GNAL: variants seen among roughly 807,000 people sequenced by gnomAD.
GNAL encodes the protein guanine nucleotide-binding protein G(olf) subunit alpha.
A neutral mutation model predicts 55.1 loss-of-function variants in GNAL; 18 were observed. The observed-to-expected ratio is 0.33, with a 90% confidence interval of 0.23 to 0.48. The LOEUF is 0.48. Among genes scored for constraint, GNAL ranks in the 20% least tolerant of loss-of-function variants. GNAL has a pLI of 0.99. For missense variants in GNAL, 412 were observed against 614.1 expected (o/e 0.67, Z 3.48); for synonymous variants, 253 against 237.0 (o/e 1.07, Z -0.62).
chr18:11,879,129 T>C (rs762918784), intron 11 of GNAL, among the ~76,000 whole-genome samples: 3 of 150,006 alleles, frequency 2.0e-5, no homozygotes, highest in Non-Finnish European at 4.4e-5. Context: ...ATTAAAAATA[T>C]ATATATATAA....
intron 4 of GNAL, among the ~76,000 whole-genome samples, chr18:11,822,622 T>C (rs971143601): frequency 2.0e-5 from 3 of 152,020 alleles, no homozygotes; most frequent in Non-Finnish European, 2.9e-5. Context: ...AAATTAAAGT[T>C]AAAAATTAAA....
chr18:11,710,499 T>C (rs1021591185), intron 1 of GNAL, among the ~76,000 whole-genome samples: 1 of 152,234 alleles, frequency 6.6e-6, no homozygotes, highest in Non-Finnish European at 1.5e-5. Flanking sequence ...ATGAACTTTA[T>C]ACTTTCATAT....
chr18:11,712,338 G>A (rs73944241), intron 1 of GNAL, among the ~76,000 whole-genome samples: 3,024 of 152,284 alleles, frequency 0.02, 115 homozygotes, highest in African/African-American at 0.07. Flanking sequence ...GGGCAGGCCC[G>A]ACGTGCATAA....
chr18:11,875,949 G>A (rs1407282350), intron 10 of GNAL, among the ~76,000 whole-genome samples: 1 of 151,254 alleles, frequency 6.6e-6, no homozygotes, highest in African/African-American at 2.4e-5. Flanking sequence ...ACATGGTGGA[G>A]AGGGTGAGGG....
At chr18:11,749,124 TCA>T (rs1491583011) in intron 1 of GNAL, among the ~76,000 whole-genome samples, 1 of 58,652 alleles carries the variant, frequency 1.7e-5, no homozygotes, top group African/African-American at 7.9e-5. Flanking sequence ...AGACTCCATC[TCA>T]AAAAAAAAAA....
In GNAL at chr18:11,703,582, C is replaced by T. The variant is rs568840156; in HGVS notation, c.376+13643C>T. Among the ~76,000 whole-genome samples the T allele has an allele frequency of 2.6e-5, 4 of 152,144 alleles. No homozygotes were observed. The South Asian group carries it at 6.2e-4, about 24-fold the overall frequency. On this transcript the variant is annotated intron_variant, in intron 1 of 11. Transcript: ENST00000334049. ...AATGTAACAGCCTTCTGAACATCAG[C>T]TATTTGATAAGCGCTGCGTGGAACT...
At chr18:11,768,978 T>A (rs183894395) in intron 4 of GNAL, among the ~76,000 whole-genome samples, 7 of 110,318 alleles carry the variant, frequency 6.3e-5, no homozygotes, top group African/African-American at 3.4e-4. Flanking sequence ...ATTATATATA[T>A]TATATATTCT....
chr18:11,864,603 T>C lies in GNAL; in HGVS notation c.848T>C (p.Phe283Ser). ...CGATTCCAAGTGGACAAAGTAAACTTCCAGTGAGTATGTTGTTAAGAGCTG... is the reference window on the plus strand; with the variant it reads ...CGATTCCAAGTGGACAAAGTAAACTCCCAGTGAGTATGTTGTTAAGAGCTG... Reference protein sequence around the residue: ...ETRFQVDKVNFHMFDVGGQRD... With the variant: ...ETRFQVDKVNSHMFDVGGQRD... Residue 283 changes from phenylalanine to serine, a missense_variant, in exon 7 of 12, where the codon TTC becomes TCC. By Grantham distance (155) the Phe-to-Ser change is radical (BLOSUM62 -2). Transcript: ENST00000334049. 6.5e-7 allele frequency: 1 copy of C among 1,529,056 alleles called. No individual in the cohort carries two copies. Among genetic ancestry groups the C allele is most frequent in the Non-Finnish European group, 9.1e-7 (1 of 1,102,550 alleles). The allele number at this position is 1,529,056 out of a possible 1,614,324, so 94.7% of individuals were successfully genotyped here. A position where few individuals can be genotyped will look rare whatever the true frequency, so the allele number is the denominator to read the frequency against.
intron 4 of GNAL, among the ~76,000 whole-genome samples, chr18:11,756,570 C>T (rs1268134498): frequency 6.6e-6 from 1 of 151,676 alleles, no homozygotes; most frequent in Non-Finnish European, 1.5e-5. Flanking sequence ...CGACTTATGA[C>T]TTATATAAAT....
chr18:11,879,362 G>A lies in GNAL; in HGVS notation c.1231-1627G>A, dbSNP rs1273834708. On this transcript the variant is annotated intron_variant, in intron 11 of 11. Coordinates refer to ENST00000334049, the MANE Select transcript of GNAL (RefSeq NM_182978.4). ...GGATTCTCGTGGCACCAAGGAAGAA[G>A]GTGAGCTTCCACAGGACCTCTGTCT... 3.9e-5 allele frequency among the ~76,000 whole-genome samples: 6 copies of A among 152,128 alleles called. No homozygotes were observed. In the East Asian group the frequency reaches 1.2e-3, roughly 29 times the overall value.
intron 8 of GNAL, 76 bp downstream of exon 8, chr18:11,867,302 A>T: frequency 1.2e-6 from 1 of 867,790 alleles, no homozygotes; most frequent in Non-Finnish European, 2.0e-6. Context: ...ACTATTCTTG[A>T]ATTAGATAAT....
At chr18:11,771,714 T>G (rs1045414294) in intron 4 of GNAL, among the ~76,000 whole-genome samples, 3 of 151,218 alleles carry the variant, frequency 2.0e-5, no homozygotes, top group Non-Finnish European at 4.4e-5. Flanking sequence ...TGCAAATTTT[T>G]TTGTTGTTTG....
chr18:11,780,029 A>G (rs1481394953), intron 4 of GNAL, among the ~76,000 whole-genome samples: 1 of 152,218 alleles, frequency 6.6e-6, no homozygotes, highest in Non-Finnish European at 1.5e-5. Flanking sequence ...TGCAACATGC[A>G]TCATTAGCGC....
At chr18:11,760,316 T>TA (rs1294580328) in intron 4 of GNAL, among the ~76,000 whole-genome samples, 2 of 152,162 alleles carry the variant, frequency 1.3e-5, no homozygotes, top group African/African-American at 4.8e-5. Flanking sequence ...AGCAACCACC[T>TA]AATTCAAAAT....
At chr18:11,715,599 G>A (rs2031944817) in intron 1 of GNAL, among the ~76,000 whole-genome samples, 1 of 152,074 alleles carries the variant, frequency 6.6e-6, no homozygotes, top group Non-Finnish European at 1.5e-5. Flanking sequence ...ACAAAAGAGG[G>A]GACCAGGTCA....
chr18:11,804,781 A>G lies in GNAL; in HGVS notation c.625-20137A>G, dbSNP rs199513775. On this transcript the variant is annotated intron_variant, in intron 4 of 11. Transcript: ENST00000334049. ...TGAAGTACAGGTGCAGTTTGAGTGG[A>G]ACACGGAGATACTGTGTAGTGGTGA... 5.7e-4 allele frequency among the ~76,000 whole-genome samples: 73 copies of G among 127,774 alleles called. 2 individuals carry two copies. The highest frequency in any genetic ancestry group is 1.9e-3 in the East Asian group (8 of 4,144). 83.8% of individuals were successfully genotyped at this position (127,774 alleles called of 152,430 possible). A position where few individuals can be genotyped will look rare whatever the true frequency, so the allele number is the denominator to read the frequency against.
At chr18:11,847,522 A>G (rs1254363618) in intron 5 of GNAL, among the ~76,000 whole-genome samples, 3 of 152,184 alleles carry the variant, frequency 2.0e-5, no homozygotes, top group Admixed American at 2.0e-4. Context: ...AAGGAAAGAA[A>G]TCAGCCAGAT....
rs2036852381 is a variant in GNAL, at chr18:11,884,281, A to ACAAT, written c.*3150_*3153dup. On this transcript the variant is annotated 3_prime_UTR_variant, in exon 12 of 12. Coordinates refer to ENST00000334049, the MANE Select transcript of GNAL (RefSeq NM_182978.4). ...TCCACTTTTATAGCATGAGAACAGT[A>ACAAT]CAATCAACTATTTATTTTGCAGTTA... The ACAAT allele has an allele frequency of 4.5e-6, 3 of 668,684 alleles. No homozygotes were observed. The highest frequency in any genetic ancestry group is 3.7e-5 in the South Asian group (2 of 54,450). 41.4% of individuals were successfully genotyped at this position (668,684 alleles called of 1,614,324 possible).
In GNAL at chr18:11,689,860, GAA is replaced by G; in HGVS notation, c.299_300del (p.Lys100SerfsTer29). 1 of 1,522,532 alleles carries G rather than the reference GAA, an allele frequency of 6.6e-7. No homozygotes were observed. Among genetic ancestry groups the G allele is most frequent in the Non-Finnish European group, 8.8e-7 (1 of 1,138,024 alleles). 94.3% of individuals were successfully genotyped at this position (1,522,532 alleles called of 1,614,324 possible). On this transcript the variant is annotated frameshift_variant, in exon 1 of 12. Coordinates refer to ENST00000334049, the MANE Select transcript of GNAL (RefSeq NM_182978.4). LOFTEE classifies it high-confidence loss of function. Reference sequence around the variant, plus strand: ...AGCGCGAGGCGGTCAAGGAGGCGAGGAAAGTGAGCCGGGGCATCGACCGCATG... The same window carrying G: ...AGCGCGAGGCGGTCAAGGAGGCGAGGAGTGAGCCGGGGCATCGACCGCATG... Reference protein sequence around the residue: ...KEREAVKEARKVSRGIDRMLR... With the variant: ...KEREAVKEARXVSRGIDRMLR...
Sources: gnomAD v4.1 joint callset for allele counts (sites outside exome capture counted in the v4.1 genomes callset) on GRCh38, gnomAD v4.1.1 for gene constraint, MANE v1.5 for transcripts, NCBI Gene and HGNC (gene_info 2026-07-23, HGNC 2026-07-21) for gene names.